NFASC: variants seen among roughly 807,000 people sequenced by gnomAD.
NFASC encodes the protein neurofascin.
A neutral mutation model predicts 147.5 loss-of-function variants in NFASC; 43 were observed. That is an observed-to-expected ratio of 0.29 (90% CI 0.23 to 0.38). The LOEUF (loss-of-function observed/expected upper bound fraction) is 0.38. Among genes scored for constraint, NFASC ranks in the 10% least tolerant of loss-of-function variants. The pLI is 1.00. For missense variants in NFASC, 1,320 were observed against 1,689.0 expected, an observed-to-expected ratio of 0.78 and a Z score of 3.83; for synonymous variants, 622 against 665.5, an observed-to-expected ratio of 0.93 and a Z score of 1.01.
chr1:204,931,688 A>C (rs2092377640), intron 2 of NFASC, among the ~76,000 whole-genome samples: 2 of 152,136 alleles, frequency 1.3e-5, no homozygotes, highest in African/African-American at 4.8e-5. Flanking sequence ...TAGACATTTC[A>C]AACTGAATAT....
chr1:204,950,650 T>A (rs1390119701), intron 4 of NFASC, 76 bp downstream of exon 4: 2 of 1,393,986 alleles, frequency 1.4e-6, no homozygotes, highest in South Asian at 1.2e-5. Flanking sequence ...TACCTGGGGA[T>A]TAGTGGCCTG....
At chr1:204,995,598 C>T (rs975576260) in intron 24 of NFASC, among the ~76,000 whole-genome samples, 2 of 152,064 alleles carry the variant, frequency 1.3e-5, no homozygotes, top group Non-Finnish European at 2.9e-5. Flanking sequence ...ACGTATGGGG[C>T]ATAGTCAGCT....
At chr1:204,936,458 T>C (rs954094469) in intron 2 of NFASC, among the ~76,000 whole-genome samples, 3 of 152,162 alleles carry the variant, frequency 2.0e-5, no homozygotes, top group African/African-American at 7.2e-5. Context: ...CACCTCGGCC[T>C]CCCAAAGTGC....
At chr1:204,893,550 C>G (rs373105899) in intron 1 of NFASC, among the ~76,000 whole-genome samples, 1 of 152,158 alleles carries the variant, frequency 6.6e-6, no homozygotes, top group African/African-American at 2.4e-5. Flanking sequence ...AGTACCAGAT[C>G]TAAAATTGCT....
At chr1:204,939,604 C>T (rs2093203326) in intron 2 of NFASC, among the ~76,000 whole-genome samples, 1 of 152,250 alleles carries the variant, frequency 6.6e-6, no homozygotes. Context: ...ACCAACCACC[C>T]CCACATCTGG....
intron 1 of NFASC, among the ~76,000 whole-genome samples, chr1:204,879,022 G>A (rs986602639): frequency 1.3e-5 from 2 of 152,148 alleles, no homozygotes; most frequent in African/African-American, 4.8e-5. Flanking sequence ...AAAAAAGAAG[G>A]TTATTTGAGG....
intron 1 of NFASC, among the ~76,000 whole-genome samples, chr1:204,873,805 C>T (rs2078195858): frequency 6.6e-6 from 1 of 152,158 alleles, no homozygotes; most frequent in Non-Finnish European, 1.5e-5. Context: ...TCCCCTCTGT[C>T]ACCCTGATCT....
intron 2 of NFASC, among the ~76,000 whole-genome samples, chr1:204,923,210 A>T (rs2090848077): frequency 6.6e-6 from 1 of 152,186 alleles, no homozygotes; most frequent in Non-Finnish European, 1.5e-5. Flanking sequence ...CCGGGGCTGC[A>T]GGTGTGAGCT....
chr1:204,976,210 C>T (rs1457973851), intron 15 of NFASC, among the ~76,000 whole-genome samples: 3 of 152,070 alleles, frequency 2.0e-5, no homozygotes, highest in Non-Finnish European at 2.9e-5. Flanking sequence ...CCTCCCCTCT[C>T]TATAGGAGAC....
intron 1 of NFASC, among the ~76,000 whole-genome samples, chr1:204,850,635 C>G (rs570865623): frequency 6.6e-6 from 1 of 152,332 alleles, no homozygotes; most frequent in African/African-American, 2.4e-5. Flanking sequence ...GGCACTTCTC[C>G]TTTGTGCGCT....
chr1:204,965,819 T>C (rs1364730411), intron 8 of NFASC, among the ~76,000 whole-genome samples: 1 of 152,180 alleles, frequency 6.6e-6, no homozygotes, highest in Admixed American at 6.5e-5. Flanking sequence ...AGAGAGGCAA[T>C]GTAGAGTGGG....
At chr1:204,870,574 C>T in intron 1 of NFASC, 1 of 741,494 alleles carries the variant, frequency 1.3e-6, no homozygotes, top group Non-Finnish European at 1.7e-6. Flanking sequence ...CCTGGCCCGG[C>T]CTGGTACGTC....
At position 204,979,629 on chromosome 1, in the gene NFASC, A is replaced by C; in HGVS notation, c.2176+70A>C. On this transcript the variant is annotated intron_variant, in intron 19 of 29. Transcript: ENST00000339876. This position sits in a 1 kb window ranked among gnomAD's most constrained non-coding sequence, Gnocchi z 6.0. Reference sequence around the variant, plus strand: ...CCCAAACTCACACTGAGATCCCCCCATTCCCAGCCATGTGAACTTAGGTTA... The same window carrying C: ...CCCAAACTCACACTGAGATCCCCCCCTTCCCAGCCATGTGAACTTAGGTTA... 7.1e-7 allele frequency: 1 copy of C among 1,407,788 alleles called. No individual in the cohort carries two copies. The highest frequency in any genetic ancestry group is 1.0e-6 in the Non-Finnish European group (1 of 994,750). The allele number at this position is 1,407,788 out of a possible 1,614,324, so 87.2% of individuals were successfully genotyped here. A position where few individuals can be genotyped will look rare whatever the true frequency, so the allele number is the denominator to read the frequency against.
At chr1:204,879,096 A>G (rs957069642) in intron 1 of NFASC, among the ~76,000 whole-genome samples, 1 of 152,236 alleles carries the variant, frequency 6.6e-6, no homozygotes, top group African/African-American at 2.4e-5. Context: ...GTAGGGACCA[A>G]CCAGTGCAAA....
chr1:204,924,470 C>T (rs2091136608), intron 2 of NFASC, among the ~76,000 whole-genome samples: 1 of 152,184 alleles, frequency 6.6e-6, no homozygotes, highest in South Asian at 2.1e-4. Flanking sequence ...ATTCAGAAGA[C>T]CCAGCTCCCT....
At chr1:204,837,206 G>A (rs1473258382) in intron 1 of NFASC, among the ~76,000 whole-genome samples, 1 of 152,246 alleles carries the variant, frequency 6.6e-6, no homozygotes, top group Admixed American at 6.5e-5. Context: ...TCAGACAACA[G>A]AGGAAATCAG....
At chr1:204,984,021 T>C (rs764090371) in intron 21 of NFASC, 5 of 1,605,344 alleles carry the variant, frequency 3.1e-6, no homozygotes, top group Middle Eastern at 1.7e-4. Flanking sequence ...TCCCAACACA[T>C]TGCAGATCCC....
Position 204,979,399 on chromosome 1 carries a change from T to G in NFASC, c.2016T>G (p.Pro672=). 6.2e-7 allele frequency: 1 copy of G among 1,614,186 alleles called. No individual in the cohort carries two copies. Among genetic ancestry groups the G allele is most frequent in the African/African-American group, 1.3e-5 (1 of 75,054 alleles). The part of the protein sequence containing the change: ...VVQFEEDQFQ[P]GVWHDHSKYP... ...AGTTTGAAGAAGACCAGTTCCAACC[T>G]GGGGTCTGGCATGACCATTCCAAGT... The change falls in exon 19 of 30, where the codon CCT becomes CCG. Residue 672 remains proline, a synonymous_variant. Coordinates refer to ENST00000339876, the MANE Select transcript of NFASC (RefSeq NM_001005388.3). This position sits in a 1 kb window ranked among gnomAD's most constrained non-coding sequence, Gnocchi z 6.0.
intron 15 of NFASC, 88 bp from the exon 16 acceptor site, chr1:204,976,583 T>C: frequency 1.0e-6 from 1 of 991,940 alleles, no homozygotes; most frequent in East Asian, 2.5e-5. Flanking sequence ...CCCTCCTGAC[T>C]CGAGAACCCC....
Sources: gnomAD v4.1 joint callset for allele counts (sites outside exome capture counted in the v4.1 genomes callset) on GRCh38, gnomAD v4.1.1 for gene constraint, Gnocchi (gnomAD v3.1) non-coding constraint, MANE v1.5 for transcripts, NCBI Gene and HGNC (gene_info 2026-07-23, HGNC 2026-07-21) for gene names.